KCNC2: variants seen among roughly 807,000 people sequenced by gnomAD.
KCNC2 encodes the protein potassium voltage-gated channel subfamily C member 2, also known as voltage-gated potassium channel KCNC2.
In KCNC2, 21 loss-of-function variants were observed where a neutral mutation model predicts 44.5. The observed-to-expected ratio is 0.47, with a 90% CI of 0.33 to 0.68. KCNC2 has a LOEUF of 0.68. Among genes scored for constraint, KCNC2 ranks in the 30% least tolerant of loss-of-function variants. KCNC2 has a pLI of 0.01. For missense variants in KCNC2, 589 were observed against 826.2 expected (o/e 0.71, Z 3.52); for synonymous variants, 391 against 339.1 (o/e 1.15, Z -1.68).
intron 4 of KCNC2, chr12:75,043,610 G>A: frequency 1.6e-6 from 2 of 1,223,028 alleles, no homozygotes; most frequent in Non-Finnish European, 2.1e-6. Flanking sequence ...ATGTATTCTT[G>A]AAAAAAAGAG....
intron 2 of KCNC2, among the ~76,000 whole-genome samples, chr12:75,080,822 T>C (rs1352243544): frequency 1.3e-5 from 2 of 152,082 alleles, no homozygotes; most frequent in Non-Finnish European, 2.9e-5. Flanking sequence ...TGATGGGATA[T>C]GCCTATACTA....
intron 2 of KCNC2, among the ~76,000 whole-genome samples, chr12:75,142,085 AT>A (rs1889697216): frequency 6.6e-6 from 1 of 152,288 alleles, no homozygotes; most frequent in South Asian, 2.1e-4. Flanking sequence ...TGATTACCTA[AT>A]CCTTAAATAA....
chr12:75,133,162 A>T (rs552356234), intron 2 of KCNC2, among the ~76,000 whole-genome samples: 2 of 152,002 alleles, frequency 1.3e-5, no homozygotes, highest in Non-Finnish European at 2.9e-5. Context: ...GGCAATAAAG[A>T]GAGTTTGGTT....
chr12:75,064,645 G>A (rs956239007), intron 2 of KCNC2, among the ~76,000 whole-genome samples: 2 of 151,982 alleles, frequency 1.3e-5, no homozygotes, highest in African/African-American at 4.8e-5. Context: ...CTTTTGTTCT[G>A]AAATTGTCAG....
At chr12:75,137,226 CTTAT>C (rs1889296438) in intron 2 of KCNC2, among the ~76,000 whole-genome samples, 1 of 152,044 alleles carries the variant, frequency 6.6e-6, no homozygotes, top group Non-Finnish European at 1.5e-5. Context: ...CTCTTTTTGT[CTTAT>C]AAATACCAAC....
In KCNC2 at chr12:75,042,879, C is replaced by A; in HGVS notation, c.*226G>T. The A allele has an allele frequency of 2.4e-5, 32 of 1,322,870 alleles. No homozygotes were observed. Among genetic ancestry groups the A allele is most frequent in the Admixed American group, 3.5e-5 (1 of 28,566 alleles). 81.9% of individuals were successfully genotyped at this position (1,322,870 alleles called of 1,614,324 possible). A position where few individuals can be genotyped will look rare whatever the true frequency, so the allele number is the denominator to read the frequency against. ...ATTTTATTGCAAAAGGATATCAGGG[C>A]AATTAATAGGAGGGATCTTAGCACT... On this transcript the variant is annotated 3_prime_UTR_variant, in exon 5 of 5. Transcript: ENST00000549446.
chr12:75,187,761 A>G (rs1893050906), intron 2 of KCNC2, among the ~76,000 whole-genome samples: 1 of 152,216 alleles, frequency 6.6e-6, no homozygotes, highest in Non-Finnish European at 1.5e-5. Context: ...GACGACTATA[A>G]ATGAAAATTA....
intron 2 of KCNC2, among the ~76,000 whole-genome samples, chr12:75,076,552 G>T (rs551660312): frequency 6.6e-6 from 1 of 152,292 alleles, no homozygotes; most frequent in African/African-American, 2.4e-5. Flanking sequence ...GATTACAGGC[G>T]TGAGCCACCG....
At position 75,061,154 on chromosome 12, in the gene KCNC2, A is replaced by G. The variant is rs536828620; in HGVS notation, c.688-9837T>C. 8.3e-4 allele frequency among the ~76,000 whole-genome samples: 127 copies of G among 152,272 alleles called. 1 individual carries two copies. Among genetic ancestry groups the G allele is most frequent in the Non-Finnish European group, 1.3e-3 (86 of 68,016 alleles). On this transcript the variant is annotated intron_variant, in intron 2 of 4. Coordinates refer to ENST00000549446, the MANE Select transcript of KCNC2 (RefSeq NM_139137.4). ...TAATGGCATTGATTTGGTGCTTAGTAACTATTAAGAAGGCATAATGGCAAA... is the reference window on the plus strand; with the variant it reads ...TAATGGCATTGATTTGGTGCTTAGTGACTATTAAGAAGGCATAATGGCAAA...
At chr12:75,113,901 A>T (rs1887447848) in intron 2 of KCNC2, among the ~76,000 whole-genome samples, 1 of 152,172 alleles carries the variant, frequency 6.6e-6, no homozygotes, top group Admixed American at 6.5e-5. Context: ...TCCAGGGAAA[A>T]AAAAGAGTTT....
At chr12:75,202,061 A>G (rs1429316198) in intron 2 of KCNC2, among the ~76,000 whole-genome samples, 1 of 151,956 alleles carries the variant, frequency 6.6e-6, no homozygotes, top group Non-Finnish European at 1.5e-5. Flanking sequence ...ACATTTTCAA[A>G]TGCAAAATCT....
chr12:75,076,279 A>T (rs1188613599), intron 2 of KCNC2, among the ~76,000 whole-genome samples: 3 of 151,868 alleles, frequency 2.0e-5, no homozygotes, highest in South Asian at 2.1e-4. Context: ...TTATTTAATT[A>T]ATTAATTTAT....
At chr12:75,199,085 T>C (rs924001600) in intron 2 of KCNC2, among the ~76,000 whole-genome samples, 2 of 151,866 alleles carry the variant, frequency 1.3e-5, no homozygotes, top group Non-Finnish European at 2.9e-5. Context: ...AAAAGTTGAT[T>C]ACTTTTTCTT....
Position 75,111,129 on chromosome 12 carries a change from C to CT in KCNC2, c.688-59813dup, listed in dbSNP as rs201008308. ...TTTTCACACAATGCTGGTGGAATAG[C>CT]TAGTTGAAGAAACTTTAAAAGTAAA... On this transcript the variant is annotated intron_variant, in intron 2 of 4. Transcript: ENST00000549446. Among the ~76,000 whole-genome samples the CT allele has an allele frequency of 9.1e-3, 1,389 of 152,146 alleles. 25 individuals are homozygous for CT. Among genetic ancestry groups the CT allele is most frequent in the African/African-American group, 0.032 (1,318 of 41,508 alleles).
intron 2 of KCNC2, among the ~76,000 whole-genome samples, chr12:75,094,750 C>G (rs976142015): frequency 6.6e-6 from 1 of 151,672 alleles, no homozygotes; most frequent in Non-Finnish European, 1.5e-5. Flanking sequence ...TTAGCTACAT[C>G]TGTCCTCATG....
At chr12:75,206,285 A>G (rs1387831620) in intron 2 of KCNC2, among the ~76,000 whole-genome samples, 2 of 152,352 alleles carry the variant, frequency 1.3e-5, no homozygotes, top group Non-Finnish European at 2.9e-5. Flanking sequence ...AACTGAATAC[A>G]GTACTTTGTT....
At chr12:75,048,357 T>C (rs765756697) in intron 3 of KCNC2, 40 bp from the exon 4 acceptor site, 1 of 1,554,294 alleles carries the variant, frequency 6.4e-7, no homozygotes, top group Admixed American at 1.9e-5. Context: ...CAGTGATGAA[T>C]GAGGAAATGA....
chr12:75,204,295 G>T (rs1295256228), intron 2 of KCNC2, among the ~76,000 whole-genome samples: 1 of 151,920 alleles, frequency 6.6e-6, no homozygotes, highest in African/African-American at 2.4e-5. Flanking sequence ...ACAGAGGAGA[G>T]GGACATGCCA....
intron 2 of KCNC2, among the ~76,000 whole-genome samples, chr12:75,081,332 G>A (rs979475589): frequency 1.3e-5 from 2 of 150,082 alleles, no homozygotes; most frequent in African/African-American, 2.5e-5. Flanking sequence ...CAATATGTTC[G>A]TAGTAGTATA....
Sources: gnomAD v4.1 joint callset for allele counts (sites outside exome capture counted in the v4.1 genomes callset) on GRCh38, gnomAD v4.1.1 for gene constraint, MANE v1.5 for transcripts, NCBI Gene and HGNC (gene_info 2026-07-23, HGNC 2026-07-21) for gene names.